Variants in CAST observed in about 807,000 individuals in gnomAD.
CAST encodes the protein MIR583 host.
A neutral mutation model predicts 119.6 loss-of-function variants in CAST; 76 were observed. That is an observed-to-expected ratio of 0.64 (90% CI 0.53 to 0.77). The LOEUF (loss-of-function observed/expected upper bound fraction) is 0.77. CAST is among the 30% of genes least tolerant of loss of function. CAST has a pLI of 0.00. For synonymous variants in CAST, 319 were observed against 331.6 expected, an observed-to-expected ratio of 0.96 and a Z score of 0.41; for missense variants, 953 against 946.5, an observed-to-expected ratio of 1.01 and a Z score of -0.09.
the CAST span, among the ~76,000 whole-genome samples, chr5:96,091,352 G>A: frequency 2.6e-3 from 390 of 151,348 alleles, 2 homozygotes; most frequent in African/African-American, 8.8e-3. Context: ...ACAGTCACGC[G>A]CCACCATGCC....
chr5:95,999,125 A>G, the CAST span, among the ~76,000 whole-genome samples: 1 of 152,038 alleles, frequency 6.6e-6, no homozygotes, highest in East Asian at 1.9e-4. Flanking sequence ...CCCCATGCCT[A>G]TTTATAGTTA....
At chr5:96,138,004 T>G in the CAST span, among the ~76,000 whole-genome samples, 2 of 152,064 alleles carry the variant, frequency 1.3e-5, no homozygotes. Context: ...AAAGTCCAAC[T>G]TATGAATTTC....
At chr5:96,651,978 C>T (rs1561439656) in intron 1 of CAST, among the ~76,000 whole-genome samples, 2 of 152,030 alleles carry the variant, frequency 1.3e-5, no homozygotes, top group Non-Finnish European at 2.9e-5. Flanking sequence ...AAGTAACAGC[C>T]CTGCAAGGTA....
chr5:96,443,706 G>C, the CAST span, among the ~76,000 whole-genome samples: 1 of 152,088 alleles, frequency 6.6e-6, no homozygotes. Flanking sequence ...GTGTGGCATG[G>C]GTCACACCAG....
the CAST span, among the ~76,000 whole-genome samples, chr5:96,177,030 A>C: frequency 6.6e-6 from 1 of 152,232 alleles, no homozygotes; most frequent in African/African-American, 2.4e-5. Context: ...CCCTAAAGTA[A>C]GAGTTGGTCA....
chr5:95,983,228 GGT>G, the CAST span, among the ~76,000 whole-genome samples: 1 of 152,200 alleles, frequency 6.6e-6, no homozygotes, highest in African/African-American at 2.4e-5. Context: ...TGAGAGAGAG[GGT>G]GAGAGGGGGT....
intron 16 of CAST, among the ~76,000 whole-genome samples, chr5:96,745,404 A>G (rs1162064469): frequency 6.6e-6 from 1 of 152,134 alleles, no homozygotes. Context: ...TGTTTTTTAT[A>G]TTTCCTGTAA....
At chr5:96,219,127 A>T in the CAST span, among the ~76,000 whole-genome samples, 1 of 152,180 alleles carries the variant, frequency 6.6e-6, no homozygotes, top group Admixed American at 6.5e-5. Flanking sequence ...GTATGATTTC[A>T]TGGCCCATGT....
At chr5:96,692,491 A>G (rs1752840054) in intron 2 of CAST, among the ~76,000 whole-genome samples, 1 of 152,166 alleles carries the variant, frequency 6.6e-6, no homozygotes. Context: ...GTTTCATCTC[A>G]TACCATACAT....
chr5:96,317,256 G>A, the CAST span, among the ~76,000 whole-genome samples: 1 of 150,068 alleles, frequency 6.7e-6, no homozygotes, highest in Admixed American at 6.7e-5. Context: ...TTGAGCCCAG[G>A]AGTTTGAGAC....
chr5:96,618,054 C>A (rs183009833), intron 1 of CAST, among the ~76,000 whole-genome samples: 1 of 152,174 alleles, frequency 6.6e-6, no homozygotes, highest in African/African-American at 2.4e-5. Flanking sequence ...CTGAGGGGGG[C>A]CAGTGGCAGG....
chr5:96,460,107 G>A, the CAST span, among the ~76,000 whole-genome samples: 5 of 152,132 alleles, frequency 3.3e-5, no homozygotes, highest in Admixed American at 6.6e-5. Flanking sequence ...TAGCCCTGAC[G>A]CCACTGAAGT....
At chr5:96,436,404 C>T in the CAST span, among the ~76,000 whole-genome samples, 3 of 152,112 alleles carry the variant, frequency 2.0e-5, no homozygotes, top group South Asian at 4.1e-4. Context: ...CATTAAATTG[C>T]ATATTAATAA....
chr5:96,255,214 G>A, the CAST span, among the ~76,000 whole-genome samples: 3 of 152,106 alleles, frequency 2.0e-5, no homozygotes, highest in Non-Finnish European at 4.4e-5. Flanking sequence ...GAACTTTATC[G>A]ATGCTGCTTC....
At chr5:96,264,405 T>C in the CAST span, among the ~76,000 whole-genome samples, 1 of 152,224 alleles carries the variant, frequency 6.6e-6, no homozygotes, top group African/African-American at 2.4e-5. Flanking sequence ...TTTATAACTA[T>C]AGCCTAAATC....
chr5:96,091,344 A>G, the CAST span, among the ~76,000 whole-genome samples: 1 of 151,640 alleles, frequency 6.6e-6, no homozygotes, highest in African/African-American at 2.4e-5. Flanking sequence ...CTGGGATTAC[A>G]GTCACGCGCC....
chr5:96,551,857 A>G (rs1580820708), intron 1 of CAST, among the ~76,000 whole-genome samples: 1 of 152,208 alleles, frequency 6.6e-6, no homozygotes, highest in African/African-American at 2.4e-5. Context: ...CAATTCAACA[A>G]GAAGAGCAAA....
chr5:96,429,717 T>C, the CAST span, among the ~76,000 whole-genome samples: 1 of 152,206 alleles, frequency 6.6e-6, no homozygotes, highest in Non-Finnish European at 1.5e-5. Context: ...TTCGGTTTTC[T>C]GTTCCTGTGT....
intron 16 of CAST, chr5:96,743,786 A>C: frequency 8.0e-7 from 1 of 1,249,596 alleles, no homozygotes; most frequent in Non-Finnish European, 1.1e-6. Flanking sequence ...TTACAACACA[A>C]TGTGAGATAT....
Sources: gnomAD v4.1 joint callset for allele counts (sites outside exome capture counted in the v4.1 genomes callset) on GRCh38, gnomAD v4.1.1 for gene constraint, MANE v1.5 for transcripts, NCBI Gene and HGNC (gene_info 2026-07-23, HGNC 2026-07-21) for gene names.